The following CPZ variants were observed in gnomAD, a reference collection of about 807,000 sequenced individuals.
The protein encoded by CPZ is VEZT/CPZ fusion.
Under a neutral mutation model 61.8 loss-of-function variants are expected in CPZ, and 103 were observed. The observed-to-expected ratio is 1.67, with a 90% CI of 1.42 to 1.96. CPZ has a LOEUF of 1.96. CPZ is among the 30% of genes most tolerant of loss of function. CPZ has a pLI of 0.00. For synonymous variants in CPZ, 551 were observed against 373.7 expected, an observed-to-expected ratio of 1.47 and a Z score of -5.47; for missense variants, 1,461 against 914.9, an observed-to-expected ratio of 1.60 and a Z score of -7.70.
rs1419739265 is a variant in CPZ at position 8,612,049 on chromosome 4, C to T, written c.1250C>T (p.Ala417Val). Residue 417 changes from alanine (A) to valine (V), a missense_variant, in exon 8 of 11, where the codon GCC (alanine) becomes GTC (valine). Transcript: ENST00000360986. ...CAGATGTTCAAGCTGCTGTCCAGAGCCTACGCTGACGTCCACCCCATGATG... is the reference window on the plus strand; with the variant it reads ...CAGATGTTCAAGCTGCTGTCCAGAGTCTACGCTGACGTCCACCCCATGATG... Reference protein sequence around the residue: ...DEKMFKLLSRAYADVHPMMMD... With the variant: ...DEKMFKLLSRVYADVHPMMMD... 1 of 1,613,984 alleles carries T rather than the reference C, an allele frequency of 6.2e-7. No homozygotes were observed. The highest frequency in any genetic ancestry group is 1.1e-5 in the South Asian group (1 of 91,070).
chr4:8,616,453 C>T (rs957686748), intron 9 of CPZ, among the ~76,000 whole-genome samples: 2 of 152,104 alleles, frequency 1.3e-5, no homozygotes, highest in Non-Finnish European at 2.9e-5. Flanking sequence ...CCCCTGCTCT[C>T]GGGTGGGGCT....
chr4:8,619,000 C>G (rs974020868), intron 10 of CPZ, among the ~76,000 whole-genome samples: 12 of 148,696 alleles, frequency 8.1e-5, no homozygotes, highest in Admixed American at 8.0e-4. Context: ...GGGACTTTTG[C>G]TAACTGTGGG....
chr4:8,615,460 C>T (rs1716084551), intron 9 of CPZ, among the ~76,000 whole-genome samples: 1 of 152,210 alleles, frequency 6.6e-6, no homozygotes, highest in East Asian at 1.9e-4. Context: ...TGCATATGAG[C>T]ACAGATGCCC....
chr4:8,615,139 G>A (rs953119631), intron 9 of CPZ, among the ~76,000 whole-genome samples: 1 of 152,122 alleles, frequency 6.6e-6, no homozygotes, highest in Non-Finnish European at 1.5e-5. Context: ...GGGCGGGGCA[G>A]GGCGTCCTGA....
intron 3 of CPZ, chr4:8,603,658 G>A (rs1714737505): frequency 5.0e-6 from 2 of 396,276 alleles, no homozygotes; most frequent in Non-Finnish European, 9.0e-6. Flanking sequence ...TGCCTTGGGG[G>A]GTCCAGGACC....
chr4:8,612,512 A>G (rs2109339828), intron 8 of CPZ, among the ~76,000 whole-genome samples: 2 of 152,158 alleles, frequency 1.3e-5, no homozygotes, highest in East Asian at 3.9e-4. Context: ...TTCCAGAGAG[A>G]CCGTGAGGAA....
At chr4:8,594,226 G>A (rs371037413) in intron 1 of CPZ, among the ~76,000 whole-genome samples, 1 of 152,186 alleles carries the variant, frequency 6.6e-6, no homozygotes, top group Non-Finnish European at 1.5e-5. Flanking sequence ...TCTTATGGAC[G>A]AGTGTGGAAG....
rs141202790 is a variant in CPZ, at chr4:8,603,545, C to T, written c.497-431C>T. On this transcript the variant is annotated intron_variant, in intron 3 of 10. Transcript: ENST00000360986. ...GGCACCACAAGGAGCCTTCCTGTTT[C>T]CACCATTAGCCAAGCAAATGAAGCA... 3.3e-3 allele frequency: 615 copies of T among 186,244 alleles called. 7 individuals carry two copies. In the South Asian group the frequency reaches 0.036, roughly 11 times the overall value. 11.5% of individuals were successfully genotyped at this position (186,244 alleles called of 1,614,324 possible). A position where few individuals can be genotyped will look rare whatever the true frequency, so the allele number is the denominator to read the frequency against.
At chr4:8,613,736 C>T (rs898512123) in intron 8 of CPZ, among the ~76,000 whole-genome samples, 3 of 152,192 alleles carry the variant, frequency 2.0e-5, no homozygotes, top group Admixed American at 6.5e-5. Context: ...TGGCTGGGGT[C>T]GACCCAGCTT....
chr4:8,604,031 C>A lies in CPZ; in HGVS notation c.552C>A (p.Arg184=), dbSNP rs764655683. The A allele has an allele frequency of 2.6e-5, 42 of 1,612,248 alleles. No homozygotes were observed. The highest frequency in any genetic ancestry group is 3.6e-5 in the Non-Finnish European group (42 of 1,179,852). Residue 184 remains arginine, a synonymous_variant, in exon 4 of 11, where the codon CGC becomes CGA. Transcript: ENST00000360986. Reference sequence around the variant, plus strand: ...CAGGGCTGCCGCCCACCTTCATCCGCTTCAGCCACCACTCCTACGCCCAGA... The same window carrying A: ...CAGGGCTGCCGCCCACCTTCATCCGATTCAGCCACCACTCCTACGCCCAGA... ...LPSGLPPTFI[R]FSHHSYAQMV...
intron 8 of CPZ, among the ~76,000 whole-genome samples, chr4:8,613,790 C>T (rs925008221): frequency 5.3e-5 from 8 of 152,298 alleles, no homozygotes; most frequent in South Asian, 2.1e-4. Flanking sequence ...GTTGTCCACC[C>T]TAGCCTGGGC....
chr4:8,618,040 C>T, intron 9 of CPZ: 1 of 262,264 alleles, frequency 3.8e-6, no homozygotes, highest in Non-Finnish European at 7.4e-6. Context: ...CCCACGCCAC[C>T]TTCAGGAGCC....
Position 8,593,027 on chromosome 4 carries a change from G to C in CPZ, c.88+106G>C, listed in dbSNP as rs951562025. Reference sequence around the variant, plus strand: ...CGGGAGCTTTCTTCCAGTAGGTCACGCGCCTATGGTCCTGGCGAGAACGTC... The same window carrying C: ...CGGGAGCTTTCTTCCAGTAGGTCACCCGCCTATGGTCCTGGCGAGAACGTC... On this transcript the variant is annotated intron_variant, in intron 1 of 10. Coordinates refer to ENST00000360986, the MANE Select transcript of CPZ (RefSeq NM_001014447.3). 1.2e-4 allele frequency: 106 copies of C among 861,814 alleles called. 1 individual carries two copies. The highest frequency in any genetic ancestry group is 2.2e-4 in the Middle Eastern group (1 of 4,550). The allele number at this position is 861,814 out of a possible 1,614,324, so 53.4% of individuals were successfully genotyped here.
intron 9 of CPZ, chr4:8,618,041 T>G: frequency 3.8e-6 from 1 of 261,742 alleles, no homozygotes; most frequent in Non-Finnish European, 7.4e-6. Flanking sequence ...CCACGCCACC[T>G]TCAGGAGCCT....
At chr4:8,617,329 G>A (rs887597516) in intron 9 of CPZ, among the ~76,000 whole-genome samples, 2 of 152,164 alleles carry the variant, frequency 1.3e-5, no homozygotes, top group African/African-American at 4.8e-5. Context: ...CACTACGGCA[G>A]AGCTGATTTT....
chr4:8,605,634 T>TATCCATTCATCCATCCATCCATCCACCC (rs1553876825), intron 4 of CPZ, among the ~76,000 whole-genome samples: 3,280 of 148,636 alleles, frequency 0.022, 84 homozygotes, highest in South Asian at 0.12. Context: ...ATCATTGATA[T>TATCCATTCATCCATCCATCCATCCACCC]ATCCATTCAT....
chr4:8,606,782 A>G lies in CPZ; in HGVS notation c.952A>G (p.Asn318Asp). Residue 318 changes from asparagine to aspartate, a missense_variant, in exon 6 of 11, where the codon AAC becomes GAC. Physicochemically the swap from Asn to Asp is conservative, Grantham distance 23. Coordinates refer to ENST00000360986, the MANE Select transcript of CPZ (RefSeq NM_001014447.3). The part of the protein sequence containing the change: ...GWTSGRQNAQ[N>D]LDLNRNFPDL... Reference sequence around the variant, plus strand: ...GACGAGCGGGAGGCAGAACGCGCAGAACCTGGATCTGAACCGAAATTTCCC... The same window carrying G: ...GACGAGCGGGAGGCAGAACGCGCAGGACCTGGATCTGAACCGAAATTTCCC... 1.2e-6 allele frequency: 2 copies of G among 1,614,166 alleles called. No individual in the cohort carries two copies. Among genetic ancestry groups the G allele is most frequent in the Non-Finnish European group, 1.7e-6 (2 of 1,180,032 alleles).
In CPZ at chr4:8,614,265, G is replaced by A. The variant is rs563577335; in HGVS notation, c.1364-94G>A. The A allele has an allele frequency of 7.1e-5, 104 of 1,458,524 alleles. 1 individual carries two copies. The South Asian group carries it at 1.1e-3, about 15-fold the overall frequency. The allele number at this position is 1,458,524 out of a possible 1,614,324, so 90.3% of individuals were successfully genotyped here. On this transcript the variant is annotated intron_variant, in intron 8 of 10. Transcript: ENST00000360986. Reference sequence around the variant, plus strand: ...GTCTCTGCGCGGCTGACACCCCGGCGTCCCGGCTGTCTCTGTGCGGCTGAC... The same window carrying A: ...GTCTCTGCGCGGCTGACACCCCGGCATCCCGGCTGTCTCTGTGCGGCTGAC...
intron 1 of CPZ, chr4:8,597,723 G>C (rs1714283533): frequency 2.0e-5 from 3 of 152,236 alleles, no homozygotes; most frequent in Admixed American, 2.0e-4. Flanking sequence ...TTGTCTCCGG[G>C]TTGTTCTGAA....
Sources: allele counts gnomAD v4.1 joint callset (sites outside exome capture counted in the v4.1 genomes callset), GRCh38; gene constraint gnomAD v4.1.1; transcripts MANE v1.5; gene names NCBI Gene and HGNC (gene_info 2026-07-23, HGNC 2026-07-21).